Variants in DSTYK observed in about 807,000 individuals in gnomAD.
DSTYK encodes dual serine/threonine and tyrosine protein kinase.
In DSTYK, 34 loss-of-function variants were observed where a neutral mutation model predicts 98.7. The observed-to-expected ratio is 0.34, with a 90% CI of 0.26 to 0.46. DSTYK has a LOEUF of 0.46. DSTYK is among the 20% of genes least tolerant of loss of function. The pLI, the probability that DSTYK is intolerant of heterozygous loss-of-function variation, is 1.00. For synonymous variants in DSTYK, 462 were observed against 457.3 expected, an observed-to-expected ratio of 1.01 and a Z score of -0.13; for missense variants, 962 against 1,181.7, an observed-to-expected ratio of 0.81 and a Z score of 2.73.
rs147190858 is a variant in DSTYK at position 205,162,123 on chromosome 1, G to T, written c.1731C>A (p.Ser577Arg). The change falls in exon 6 of 13, where the codon AGC becomes AGA. Residue 577 changes from serine (S) to arginine (R), a missense_variant. By Grantham distance (110) the Ser-to-Arg change is moderately radical. This residue lies in a region of DSTYK where 660 missense variants were observed against 855.0 expected (regional missense o/e 0.77). Coordinates refer to ENST00000367162, the MANE Select transcript of DSTYK (RefSeq NM_015375.3). ...KVAQEAIESL[S>R]ASKLAKSICS... ...AAATGCTCTTAGCCAATTTGGAGGC[G>T]CTGAGGCTCTCAATGGCTTCCTGGG... 2 of 1,614,108 alleles carry T rather than the reference G, an allele frequency of 1.2e-6. No individual in the cohort carries two copies. Among genetic ancestry groups the T allele is most frequent in the East Asian group, 2.2e-5 (1 of 44,882 alleles).
chr1:205,164,042 G>C, intron 3 of DSTYK, 87 bp from the exon 4 acceptor site: 1 of 1,083,428 alleles, frequency 9.2e-7, no homozygotes, highest in Non-Finnish European at 1.4e-6. Context: ...TCAGAACCAT[G>C]GAACTACCGT....
At chr1:205,202,785 A>G in intron 1 of DSTYK, 1 of 594,012 alleles carries the variant, frequency 1.7e-6, no homozygotes. Context: ...TTTTTTAAAA[A>G]AAGGAAAGAA....
In DSTYK at chr1:205,148,332, G is replaced by A. The variant is rs199912911; in HGVS notation, c.2475C>T (p.Tyr825=). The change falls in exon 12 of 13, where the codon TAC becomes TAT. Residue 825 remains tyrosine (Y), a synonymous_variant. Coordinates refer to ENST00000367162, the MANE Select transcript of DSTYK (RefSeq NM_015375.3). ...HMAPELFTGK[Y]DNSVDVYAFG... ...AAGCGTAGACATCCACGGAATTATC[G>A]TACTTCCCTGATGGCAAGAAAGGAT... 99 of 1,613,616 alleles carry A rather than the reference G, an allele frequency of 6.1e-5. No homozygotes were observed. Among genetic ancestry groups the A allele is most frequent in the Non-Finnish European group, 7.3e-5 (86 of 1,180,002 alleles).
rs898225007 is a variant in DSTYK, at chr1:205,145,527, T to TG, written c.*2030_*2031insC. ...TGTGCGACTCATCTTTGTTTTTTGT[T>TG]TTTTTTTTTGTTTTTTTTTGAGATA... On this transcript the variant is annotated 3_prime_UTR_variant, in exon 13 of 13. Coordinates refer to ENST00000367162, the MANE Select transcript of DSTYK (RefSeq NM_015375.3). The TG allele has an allele frequency of 1.5e-5, 2 of 134,596 alleles. No individual in the cohort carries two copies. Among genetic ancestry groups the TG allele is most frequent in the South Asian group, 5.3e-4 (2 of 3,776 alleles). The allele number at this position is 134,596 out of a possible 1,614,324, so 8.3% of individuals were successfully genotyped here.
intron 2 of DSTYK, among the ~76,000 whole-genome samples, chr1:205,178,156 G>A (rs536454209): frequency 2.6e-5 from 4 of 152,178 alleles, no homozygotes; most frequent in South Asian, 4.1e-4. Context: ...GAAAGCATGA[G>A]ACAATCATGC....
intron 2 of DSTYK, among the ~76,000 whole-genome samples, chr1:205,182,374 G>C (rs562241018): frequency 2.6e-5 from 4 of 151,958 alleles, no homozygotes; most frequent in Admixed American, 6.6e-5. Context: ...CTGGACAACA[G>C]AGTGAGACCC....
Position 205,163,860 on chromosome 1 carries a change from G to C in DSTYK, c.1420C>G (p.Gln474Glu). The change falls in exon 4 of 13, where the codon CAG becomes GAG. Residue 474 changes from glutamine to glutamate, a missense_variant. Gln to Glu is a conservative substitution (Grantham distance 29). Coordinates refer to ENST00000367162, the MANE Select transcript of DSTYK (RefSeq NM_015375.3). The part of the protein sequence containing the change: ...IQELIISRLN[Q>E]AVANKLISSV... ...CTGATCAGCTTATTAGCCACTGCCT[G>C]ATTAAGTCGGGAGATGATGAGTTCC... is the stretch of plus-strand genomic sequence containing the variant. 6.2e-7 allele frequency: 1 copy of C among 1,614,140 alleles called. No homozygotes were observed. The highest frequency in any genetic ancestry group is 8.5e-7 in the Non-Finnish European group (1 of 1,180,038).
chr1:205,211,622 A>G lies in DSTYK; in HGVS notation c.-87T>C, dbSNP rs1271826952. ...CCCGCCCCCCAGTGCCGAAGGGAGG[A>G]GGAATCCGCCTCCTGACGCCCCCGC... On this transcript the variant is annotated 5_prime_UTR_variant, in exon 1 of 13. Transcript: ENST00000367162. The G allele has an allele frequency of 9.3e-6, 13 of 1,392,336 alleles. No homozygotes were observed. Among genetic ancestry groups the G allele is most frequent in the Non-Finnish European group, 1.1e-5 (12 of 1,078,304 alleles). 86.2% of individuals were successfully genotyped at this position (1,392,336 alleles called of 1,614,324 possible).
intron 1 of DSTYK, among the ~76,000 whole-genome samples, chr1:205,191,032 C>T (rs1169746584): frequency 6.6e-6 from 1 of 152,184 alleles, no homozygotes; most frequent in Non-Finnish European, 1.5e-5. Context: ...CCAGAGCAGA[C>T]ACACCCCATT....
chr1:205,162,254 C>A, intron 5 of DSTYK, 42 bp from the exon 6 acceptor site: 1 of 1,602,854 alleles, frequency 6.2e-7, no homozygotes. Flanking sequence ...GAATGAGAGA[C>A]AAGAACCACT....
intron 2 of DSTYK, among the ~76,000 whole-genome samples, chr1:205,185,795 G>A (rs1045616141): frequency 1.3e-5 from 2 of 152,076 alleles, no homozygotes; most frequent in African/African-American, 4.8e-5. Context: ...AGGTTGAGGT[G>A]GGTGGATCAC....
At chr1:205,176,295 T>A (rs3925316) in intron 2 of DSTYK, among the ~76,000 whole-genome samples, 1 of 151,488 alleles carries the variant, frequency 6.6e-6, no homozygotes, top group Admixed American at 6.6e-5. Flanking sequence ...CTGATCAACA[T>A]GGAGAAACCC....
intron 10 of DSTYK, among the ~76,000 whole-genome samples, chr1:205,152,794 A>G (rs1225143358): frequency 6.6e-6 from 1 of 151,512 alleles, no homozygotes; most frequent in Non-Finnish European, 1.5e-5. Context: ...TGGATTTTGG[A>G]GCATTTTGGA....
chr1:205,205,161 T>C (rs899101676), intron 1 of DSTYK, among the ~76,000 whole-genome samples: 1 of 152,156 alleles, frequency 6.6e-6, no homozygotes, highest in South Asian at 2.1e-4. Flanking sequence ...TTTACTGAGC[T>C]TATGTTGAAA....
At chr1:205,197,610 C>CG (rs1220901010) in intron 1 of DSTYK, among the ~76,000 whole-genome samples, 1 of 150,338 alleles carries the variant, frequency 6.7e-6, no homozygotes, top group East Asian at 1.9e-4. Context: ...AAAAACCAGC[C>CG]GGAAAAAAAA....
chr1:205,169,274 A>C lies in DSTYK; in HGVS notation c.1213T>G (p.Leu405Val). Residue 405 changes from leucine (L) to valine (V), a missense_variant, in exon 3 of 13, where the codon TTG becomes GTG. This residue lies in a region of DSTYK where 660 missense variants were observed against 855.0 expected (regional missense o/e 0.77). Transcript: ENST00000367162. This position sits in a 1 kb window ranked among gnomAD's most constrained non-coding sequence, Gnocchi z 4.0. Reference sequence around the variant, plus strand: ...TGCTTTCGGTTGGCAATATTCATCAATGATTCATACAACTCATTCTCCTTT... The same window carrying C: ...TGCTTTCGGTTGGCAATATTCATCACTGATTCATACAACTCATTCTCCTTT... ...RKKENELYES[L>V]MNIANRKQEE... The C allele has an allele frequency of 6.2e-7, 1 of 1,614,142 alleles. No homozygotes were observed. Among genetic ancestry groups the C allele is most frequent in the South Asian group, 1.1e-5 (1 of 91,082 alleles).
chr1:205,192,855 T>TC (rs1658752754), intron 1 of DSTYK, among the ~76,000 whole-genome samples: 1 of 151,986 alleles, frequency 6.6e-6, no homozygotes, highest in Non-Finnish European at 1.5e-5. Context: ...AGAGCGAAAC[T>TC]CCATTTCAAA....
In DSTYK at chr1:205,166,354, T is replaced by C. The variant is rs140408594; in HGVS notation, c.1325-2399A>G. 4.4e-4 allele frequency among the ~76,000 whole-genome samples: 67 copies of C among 152,054 alleles called. 1 individual carries two copies. The highest frequency in any genetic ancestry group is 2.1e-3 in the East Asian group (11 of 5,160). ...GTCTTTATTTAAAAACAGACAGTAA[T>C]AGTAATCTGGCTCAACGCTGGGCAC... On this transcript the variant is annotated intron_variant, in intron 3 of 12. Transcript: ENST00000367162.
intron 2 of DSTYK, among the ~76,000 whole-genome samples, chr1:205,177,289 G>A (rs1259897223): frequency 1.3e-5 from 2 of 152,156 alleles, no homozygotes; most frequent in Non-Finnish European, 2.9e-5. Context: ...AGATGTCTTT[G>A]CTTTCTCTAG....
Sources: allele counts gnomAD v4.1 joint callset (sites outside exome capture counted in the v4.1 genomes callset), GRCh38; gene constraint gnomAD v4.1.1; regional missense constraint gnomAD v4.1.1; non-coding constraint Gnocchi (gnomAD v3.1); transcripts MANE v1.5; gene names NCBI Gene and HGNC (gene_info 2026-07-23, HGNC 2026-07-21).